Variants in ROR1 observed in about 807,000 individuals in gnomAD.
ROR1 encodes ROR family WNT receptor 1.
In ROR1, 19 loss-of-function variants were observed where a neutral mutation model predicts 78.8. That is an observed-to-expected ratio of 0.24 (90% CI 0.17 to 0.35). The LOEUF (loss-of-function observed/expected upper bound fraction) is 0.35, where lower values mean the gene tolerates loss of function less well. Among genes scored for constraint, ROR1 ranks in the 10% least tolerant of loss-of-function variants. ROR1 has a pLI of 1.00. For synonymous variants in ROR1, 386 were observed against 433.6 expected (o/e 0.89, Z 1.36); for missense variants, 917 against 1,177.8 (o/e 0.78, Z 3.24).
chr1:63,963,984 A>G (rs1646054356), intron 1 of ROR1, among the ~76,000 whole-genome samples: 1 of 152,180 alleles, frequency 6.6e-6, no homozygotes, highest in Admixed American at 6.5e-5. Flanking sequence ...ACACACTTCC[A>G]TTTATACTAC....
At chr1:63,957,515 C>T (rs1645993139) in intron 1 of ROR1, among the ~76,000 whole-genome samples, 1 of 152,134 alleles carries the variant, frequency 6.6e-6, no homozygotes, top group African/African-American at 2.4e-5. Flanking sequence ...GCATCCTATT[C>T]TCCTCCTGCC....
At chr1:64,166,715 G>T (rs1259242336) in intron 8 of ROR1, among the ~76,000 whole-genome samples, 2 of 152,184 alleles carry the variant, frequency 1.3e-5, no homozygotes, top group Non-Finnish European at 2.9e-5. Context: ...GATTATAGAG[G>T]TAGCTCTTTG....
intron 1 of ROR1, among the ~76,000 whole-genome samples, chr1:63,993,867 G>A (rs1489993230): frequency 2.6e-5 from 4 of 152,106 alleles, no homozygotes; most frequent in Non-Finnish European, 5.9e-5. Flanking sequence ...ATGTTTGAGG[G>A]CATCTGTCAG....
At chr1:63,812,318 A>C (rs111351155) in intron 1 of ROR1, among the ~76,000 whole-genome samples, 1,795 of 152,298 alleles carry the variant, frequency 0.012, 35 homozygotes, top group African/African-American at 0.041. Flanking sequence ...ACCCACATGC[A>C]TTTACATATC....
chr1:64,021,842 C>G lies in ROR1; in HGVS notation c.163+12466C>G, dbSNP rs182442155. On this transcript the variant is annotated intron_variant, in intron 2 of 8. Coordinates refer to ENST00000371079, the MANE Select transcript of ROR1 (RefSeq NM_005012.4). ...CTTTCTTTAATAAATATCCTATACT[C>G]TTATAGTCAGATAAAAAATAAGTAG... is the stretch of plus-strand genomic sequence containing the variant. Among the ~76,000 whole-genome samples, 410 of 152,116 alleles carry G rather than the reference C, an allele frequency of 2.7e-3. 1 individual carries two copies. Among genetic ancestry groups the G allele is most frequent in the African/African-American group, 9.4e-3 (388 of 41,472 alleles).
chr1:63,929,424 T>C (rs1259137350), intron 1 of ROR1, among the ~76,000 whole-genome samples: 1 of 141,294 alleles, frequency 7.1e-6, no homozygotes, highest in Non-Finnish European at 1.6e-5. Context: ...GAGTTTCAGT[T>C]CTCTCTCTCT....
intron 4 of ROR1, among the ~76,000 whole-genome samples, chr1:64,136,930 T>C (rs941918020): frequency 6.6e-6 from 1 of 152,132 alleles, no homozygotes; most frequent in Non-Finnish European, 1.5e-5. Context: ...TCTCACCCCA[T>C]GGATCCCCCT....
chr1:64,013,424 A>G (rs778087528), intron 2 of ROR1, among the ~76,000 whole-genome samples: 16 of 152,080 alleles, frequency 1.1e-4, no homozygotes, highest in Non-Finnish European at 2.2e-4. Flanking sequence ...CCCATACTCA[A>G]TATTCAATTT....
At chr1:63,850,322 A>G (rs984245645) in intron 1 of ROR1, among the ~76,000 whole-genome samples, 2 of 152,206 alleles carry the variant, frequency 1.3e-5, no homozygotes, top group African/African-American at 2.4e-5. Context: ...ATTATAAACA[A>G]TTTTGCCATG....
chr1:63,820,252 G>A (rs1181890813), intron 1 of ROR1, among the ~76,000 whole-genome samples: 1 of 152,118 alleles, frequency 6.6e-6, no homozygotes, highest in Non-Finnish European at 1.5e-5. Flanking sequence ...GTCATTGGTG[G>A]CTCTCCCTGT....
intron 4 of ROR1, among the ~76,000 whole-genome samples, chr1:64,052,062 AAG>A (rs1481570891): frequency 2.0e-5 from 3 of 152,242 alleles, no homozygotes; most frequent in Non-Finnish European, 4.4e-5. Context: ...GCAACTGTAA[AAG>A]AGTCTTTAAA....
At chr1:63,992,767 A>G (rs1646306381) in intron 1 of ROR1, among the ~76,000 whole-genome samples, 1 of 152,200 alleles carries the variant, frequency 6.6e-6, no homozygotes. Context: ...AAAATGTATA[A>G]ATGTGCTTTG....
At chr1:63,863,267 G>A (rs1415184983) in intron 1 of ROR1, among the ~76,000 whole-genome samples, 2 of 152,236 alleles carry the variant, frequency 1.3e-5, no homozygotes, top group African/African-American at 4.8e-5. Context: ...GTTGCCTTCT[G>A]TGTCTAGGCG....
chr1:63,863,172 C>T (rs1397143041), intron 1 of ROR1, among the ~76,000 whole-genome samples: 1 of 152,182 alleles, frequency 6.6e-6, no homozygotes, highest in Non-Finnish European at 1.5e-5. Flanking sequence ...AAGGAGGTAA[C>T]TATCTCTTCT....
Position 64,059,184 on chromosome 1 carries a change from G to GTCT in ROR1, c.482+8470_482+8472dup, listed in dbSNP as rs372989560. ...TTTATTCCTAATTTTAATAATTTGT[G>GTCT]TCTTTTTTTTTCCTTTGTCAGACTA... On this transcript the variant is annotated intron_variant, in intron 4 of 8. Transcript: ENST00000371079. Among the ~76,000 whole-genome samples the GTCT allele has an allele frequency of 1.2e-3, 177 of 151,588 alleles. 1 individual carries two copies. The highest frequency in any genetic ancestry group is 4.0e-3 in the African/African-American group (165 of 41,346).
intron 1 of ROR1, among the ~76,000 whole-genome samples, chr1:63,955,842 CAG>C (rs1397034126): frequency 6.6e-5 from 10 of 152,186 alleles, no homozygotes; most frequent in African/African-American, 2.4e-4. Context: ...AAGTGTGACT[CAG>C]GGGCTCTCTC....
At chr1:63,801,514 T>G (rs1267387841) in intron 1 of ROR1, among the ~76,000 whole-genome samples, 1 of 152,100 alleles carries the variant, frequency 6.6e-6, no homozygotes, top group African/African-American at 2.4e-5. Flanking sequence ...AGGCTGGTCT[T>G]GAACTCCTGA....
chr1:63,957,726 C>T (rs1440013765), intron 1 of ROR1, among the ~76,000 whole-genome samples: 1 of 151,038 alleles, frequency 6.6e-6, no homozygotes, highest in Admixed American at 6.6e-5. Context: ...ATTGATAACC[C>T]TTTTTTTGTT....
intron 1 of ROR1, among the ~76,000 whole-genome samples, chr1:63,860,788 A>AG (rs1645176566): frequency 2.0e-5 from 3 of 151,686 alleles, no homozygotes; most frequent in African/African-American, 7.3e-5. Flanking sequence ...AAAAAAAAAA[A>AG]AAGAAGAAGA....
Sources: gnomAD v4.1 joint callset for allele counts (sites outside exome capture counted in the v4.1 genomes callset) on GRCh38, gnomAD v4.1.1 for gene constraint, MANE v1.5 for transcripts, NCBI Gene and HGNC (gene_info 2026-07-23, HGNC 2026-07-21) for gene names.